Variants in DENND2B observed in about 807,000 individuals in gnomAD.
DENND2B encodes the protein DENN domain-containing protein 2B.
DENND2B carries 32 observed loss-of-function variants against 116.0 expected under a neutral mutation model. That is an observed-to-expected ratio of 0.28 (90% CI 0.21 to 0.37). The LOEUF (loss-of-function observed/expected upper bound fraction) is 0.37, where lower values mean the gene tolerates loss of function less well. DENND2B is among the 10% of genes least tolerant of loss of function. DENND2B has a pLI of 1.00. For missense variants in DENND2B, 1,276 were observed against 1,477.7 expected (o/e 0.86, Z 2.24); for synonymous variants, 588 against 583.9 (o/e 1.01, Z -0.10).
intron 2 of DENND2B, among the ~76,000 whole-genome samples, chr11:8,865,457 T>C (rs924802343): frequency 9.2e-5 from 14 of 152,106 alleles, no homozygotes; most frequent in Non-Finnish European, 1.8e-4. Flanking sequence ...AGTATAATCA[T>C]AGGTCTAAAA....
At position 8,853,456 on chromosome 11, in the gene DENND2B, TGAA is replaced by T. The variant is rs756316501; in HGVS notation, c.-156+3884_-156+3886del. Among the ~76,000 whole-genome samples the T allele has an allele frequency of 4.3e-4, 65 of 152,332 alleles. 1 individual carries two copies. Among genetic ancestry groups the T allele is most frequent in the Admixed American group, 1.4e-3 (22 of 15,294 alleles). On this transcript the variant is annotated intron_variant, in intron 3 of 6. Coordinates refer to the DENND2B transcript ENST00000524757. Reference sequence around the variant, plus strand: ...GGACACAGCCAGAAGGTCCTACCTATGAAGAGCAGGCCCTCTCCAAACACCAAA... The same window carrying T: ...GGACACAGCCAGAAGGTCCTACCTATGAGCAGGCCCTCTCCAAACACCAAA...
In DENND2B at chr11:8,860,086, G is replaced by A. The variant is rs151143745; in HGVS notation, c.-249-2650C>T. Among the ~76,000 whole-genome samples, 22 of 152,252 alleles carry A rather than the reference G, an allele frequency of 1.4e-4. 1 individual carries two copies. Among genetic ancestry groups the A allele is most frequent in the African/African-American group, 5.1e-4 (21 of 41,544 alleles). On this transcript the variant is annotated intron_variant, in intron 2 of 6. Coordinates refer to the DENND2B transcript ENST00000524757. ...TGGGCATAACCCAAATAAACACCTA[G>A]AGAATCATCCAGCAGGGTTCTTCCC...
intron 1 of DENND2B, among the ~76,000 whole-genome samples, chr11:8,888,831 A>G (rs1170144088): frequency 1.3e-5 from 2 of 152,236 alleles, no homozygotes; most frequent in Admixed American, 1.3e-4. Context: ...CAACATCACT[A>G]ATCATTACGG....
intron 3 of DENND2B, among the ~76,000 whole-genome samples, chr11:8,845,763 C>A (rs774103083): frequency 1.3e-5 from 2 of 152,186 alleles, no homozygotes; most frequent in Non-Finnish European, 2.9e-5. Flanking sequence ...TATACCCTGT[C>A]TGAAGACTAC....
intron 13 of DENND2B, among the ~76,000 whole-genome samples, chr11:8,706,397 C>G (rs977003399): frequency 3.7e-4 from 56 of 152,196 alleles, no homozygotes; most frequent in African/African-American, 1.3e-3. Flanking sequence ...TACCCCCACC[C>G]CATCAACCCT....
chr11:8,847,250 C>T (rs559137975), intron 3 of DENND2B, among the ~76,000 whole-genome samples: 5 of 152,266 alleles, frequency 3.3e-5, no homozygotes, highest in Admixed American at 3.3e-4. Flanking sequence ...GGAGGCTCTC[C>T]CTTCAAGCTA....
chr11:8,872,891 A>T (rs562126879), upstream of DENND2B, among the ~76,000 whole-genome samples: 3 of 152,238 alleles, frequency 2.0e-5, no homozygotes, highest in Non-Finnish European at 4.4e-5. Context: ...CCAAACTCAC[A>T]ATCTAAGTGA....
At chr11:8,802,688 C>G (rs976938648) in intron 1 of DENND2B, among the ~76,000 whole-genome samples, 1 of 152,196 alleles carries the variant, frequency 6.6e-6, no homozygotes, top group African/African-American at 2.4e-5. Context: ...TCAGAAAACA[C>G]TGGCATTTTT....
intron 3 of DENND2B, among the ~76,000 whole-genome samples, chr11:8,840,564 G>T (rs2134613705): frequency 6.6e-6 from 1 of 152,280 alleles, no homozygotes; most frequent in South Asian, 2.1e-4. Flanking sequence ...TTCTCCTGTA[G>T]ATCTCTTTTT....
intron 1 of DENND2B, among the ~76,000 whole-genome samples, chr11:8,782,090 T>C (rs1268294224): frequency 6.6e-6 from 1 of 152,192 alleles, no homozygotes; most frequent in Non-Finnish European, 1.5e-5. Context: ...ACACAAACTC[T>C]TGCACAGTCA....
At chr11:8,878,539 G>A (rs985250546) in intron 2 of DENND2B, among the ~76,000 whole-genome samples, 3 of 152,060 alleles carry the variant, frequency 2.0e-5, no homozygotes, top group Admixed American at 6.6e-5. Context: ...ATAGGCACCT[G>A]CCATCATGAC....
chr11:8,727,510 A>T (rs1258103242), intron 3 of DENND2B, among the ~76,000 whole-genome samples: 1 of 152,052 alleles, frequency 6.6e-6, no homozygotes, highest in East Asian at 1.9e-4. Context: ...TTTGCCTTTT[A>T]AGTGTCCGGG....
intron 1 of DENND2B, among the ~76,000 whole-genome samples, chr11:8,908,441 T>C (rs2064266960): frequency 1.3e-5 from 2 of 152,232 alleles, no homozygotes; most frequent in South Asian, 4.1e-4. Flanking sequence ...CTAATATTTA[T>C]TGAGCACCTA....
chr11:8,707,820 T>G lies in DENND2B; in HGVS notation c.2387A>C (p.Tyr796Ser). 6.2e-7 allele frequency: 1 copy of G among 1,611,858 alleles called. No homozygotes were observed. Among genetic ancestry groups the G allele is most frequent in the Non-Finnish European group, 8.5e-7 (1 of 1,179,220 alleles). The change falls in exon 12 of 20, where the codon TAC becomes TCC. Residue 796 changes from tyrosine to serine, a missense_variant. Physicochemically the swap from Tyr to Ser is moderately radical, Grantham distance 144 (BLOSUM62 -2). Around this residue, in one of 2 missense-constraint regions of DENND2B, gnomAD observed 420 missense variants for 631.1 expected, o/e 0.67. Transcript: ENST00000313726. The surrounding 1 kb of genome is among the most constrained non-coding windows in gnomAD (Gnocchi z 4.8). ...SGKGPRLPEVYCVISRLGCFG... is the reference protein window; with the variant it reads ...SGKGPRLPEVSCVISRLGCFG... ...GCAGCCAAGGCGGCTGATGACACAG[T>G]ACACCTCTGGCAACCGGGGCCCTTT...
intron 2 of DENND2B, among the ~76,000 whole-genome samples, chr11:8,749,260 T>C (rs1254083774): frequency 1.3e-5 from 2 of 152,298 alleles, no homozygotes; most frequent in East Asian, 3.9e-4. Flanking sequence ...GGAGGTCAGT[T>C]TCTCCACCTG....
chr11:8,851,252 AAT>A (rs140301863), intron 3 of DENND2B, among the ~76,000 whole-genome samples: 27 of 151,062 alleles, frequency 1.8e-4, no homozygotes, highest in Non-Finnish European at 2.2e-4. Context: ...AGTCATTCTA[AAT>A]ATATATATAT....
intron 2 of DENND2B, among the ~76,000 whole-genome samples, chr11:8,743,339 C>T (rs2050586482): frequency 6.6e-6 from 1 of 151,804 alleles, no homozygotes; most frequent in African/African-American, 2.4e-5. Flanking sequence ...CACCTGAGGT[C>T]AGGAGTTTGA....
At chr11:8,715,403 C>A (rs1396918301) in intron 6 of DENND2B, 200 bp downstream of exon 6, 50 of 595,624 alleles carry the variant, frequency 8.4e-5, no homozygotes, top group Non-Finnish European at 1.5e-5. Context: ...GCACCAAGGT[C>A]AGTTAATGCA....
At chr11:8,841,448 G>C (rs2062621460) in intron 3 of DENND2B, among the ~76,000 whole-genome samples, 1 of 152,080 alleles carries the variant, frequency 6.6e-6, no homozygotes, top group Admixed American at 6.5e-5. Flanking sequence ...AGACCAGCCT[G>C]AGCAGCATAG....
Sources: gnomAD v4.1 joint callset for allele counts (sites outside exome capture counted in the v4.1 genomes callset) on GRCh38, gnomAD v4.1.1 for gene constraint, gnomAD v4.1.1 regional missense constraint, Gnocchi (gnomAD v3.1) non-coding constraint, MANE v1.5 for transcripts, NCBI Gene and HGNC (gene_info 2026-07-23, HGNC 2026-07-21) for gene names.